CSMD1: variants seen among roughly 807,000 people sequenced by gnomAD.
CSMD1 encodes CUB and Sushi multiple domains 1.
Under a neutral mutation model 417.5 loss-of-function variants are expected in CSMD1, and 213 were observed. That is an observed-to-expected ratio of 0.51 (90% confidence interval 0.46 to 0.57). The LOEUF is 0.57. CSMD1 is among the 20% of genes least tolerant of loss of function. The pLI, the probability that CSMD1 is intolerant of heterozygous loss-of-function variation, is 0.00. For missense variants in CSMD1, 6,923 were observed against 4,529.7 expected, an observed-to-expected ratio of 1.53 and a Z score of -15.17; for synonymous variants, 2,862 against 1,736.8, an observed-to-expected ratio of 1.65 and a Z score of -16.11.
intron 2 of CSMD1, among the ~76,000 whole-genome samples, chr8:4,624,785 C>A (rs771309658): frequency 6.6e-6 from 1 of 152,124 alleles, no homozygotes; most frequent in Non-Finnish European, 1.5e-5. Context: ...AAGTTTGTGA[C>A]CCTAGTCAAG....
At chr8:4,530,760 G>A (rs1470782213) in intron 2 of CSMD1, among the ~76,000 whole-genome samples, 1 of 151,036 alleles carries the variant, frequency 6.6e-6, no homozygotes, top group Non-Finnish European at 1.5e-5. Context: ...GGGCATTTGG[G>A]TTGCTTCCAA....
At chr8:3,250,210 C>A (rs1272125283) in intron 26 of CSMD1, among the ~76,000 whole-genome samples, 5 of 152,098 alleles carry the variant, frequency 3.3e-5, no homozygotes, top group Non-Finnish European at 4.4e-5. Context: ...CCTCCCTGAT[C>A]CCCCCACCCC....
At chr8:4,308,107 G>A (rs10106165) in intron 3 of CSMD1, among the ~76,000 whole-genome samples, 140,697 of 152,252 alleles carry the variant, frequency 0.92, 65,473 homozygotes, top group Middle Eastern at 1. Context: ...GAAGTGGAGA[G>A]GGTGGCAAAG....
chr8:4,121,268 C>T (rs917194578), intron 3 of CSMD1, among the ~76,000 whole-genome samples: 1 of 152,064 alleles, frequency 6.6e-6, no homozygotes, highest in Non-Finnish European at 1.5e-5. Flanking sequence ...GCACCTGACA[C>T]CACACCCAGC....
intron 12 of CSMD1, among the ~76,000 whole-genome samples, chr8:3,413,966 C>T (rs2116940656): frequency 6.6e-6 from 1 of 151,726 alleles, no homozygotes; most frequent in African/African-American, 2.4e-5. Flanking sequence ...TCATGAAACC[C>T]TATCTCTACT....
At chr8:3,039,287 T>C (rs68122732) in intron 50 of CSMD1, among the ~76,000 whole-genome samples, 29,820 of 143,670 alleles carry the variant, frequency 0.21, 3,409 homozygotes, top group Non-Finnish European at 0.26. Flanking sequence ...CTTCCTTCTT[T>C]TCCTTACTTC....
intron 54 of CSMD1, among the ~76,000 whole-genome samples, chr8:2,980,172 T>C (rs1214267120): frequency 1.3e-5 from 2 of 152,204 alleles, no homozygotes; most frequent in East Asian, 3.9e-4. Flanking sequence ...CAAAAATAAT[T>C]TCAAACTGTG....
In CSMD1 at chr8:3,074,478, T is replaced by C. The variant is rs149829759; in HGVS notation, c.7474+12619A>G. Among the ~76,000 whole-genome samples the C allele has an allele frequency of 7.4e-3, 1,121 of 152,220 alleles. 15 individuals carry two copies. Among genetic ancestry groups the C allele is most frequent in the African/African-American group, 0.025 (1,050 of 41,548 alleles). ...CTACCTTCACCAGGCTCCTCAAACA[T>C]AGAAGCTTCCAGAAGCAAGCCGTCA... is the stretch of plus-strand genomic sequence containing the variant. On this transcript the variant is annotated intron_variant, in intron 49 of 69. Transcript: ENST00000635120.
At chr8:3,328,055 G>C (rs554471331) in intron 23 of CSMD1, among the ~76,000 whole-genome samples, 2 of 152,278 alleles carry the variant, frequency 1.3e-5, no homozygotes, top group African/African-American at 4.8e-5. Context: ...TCTAAAGCAG[G>C]TAAAGCCATC....
At chr8:4,095,231 G>C (rs544157189) in intron 3 of CSMD1, among the ~76,000 whole-genome samples, 1 of 152,166 alleles carries the variant, frequency 6.6e-6, no homozygotes, top group Non-Finnish European at 1.5e-5. Context: ...CCTTAACTCA[G>C]GCTGATCTTT....
chr8:4,149,985 G>C (rs777624005), intron 3 of CSMD1, among the ~76,000 whole-genome samples: 54 of 152,220 alleles, frequency 3.5e-4, no homozygotes, highest in Non-Finnish European at 8.8e-5. Flanking sequence ...CTGTCACAGA[G>C]AAGTCAGAGA....
At chr8:4,248,849 T>C (rs1423042416) in intron 3 of CSMD1, among the ~76,000 whole-genome samples, 1 of 152,100 alleles carries the variant, frequency 6.6e-6, no homozygotes, top group Admixed American at 6.6e-5. Context: ...CAAAAACAAT[T>C]GCTAACTCTC....
intron 37 of CSMD1, among the ~76,000 whole-genome samples, chr8:3,178,216 G>C (rs974933196): frequency 6.6e-6 from 1 of 151,984 alleles, no homozygotes; most frequent in Non-Finnish European, 1.5e-5. Flanking sequence ...ATAAGTGTTT[G>C]GTTTTTGTTT....
At chr8:3,807,009 G>A (rs1800777310) in intron 5 of CSMD1, among the ~76,000 whole-genome samples, 1 of 152,078 alleles carries the variant, frequency 6.6e-6, no homozygotes, top group South Asian at 2.1e-4. Flanking sequence ...ACTGGCTAGA[G>A]GGCTAGAAAT....
At chr8:3,404,970 ATTTC>A (rs1284269262) in intron 15 of CSMD1, among the ~76,000 whole-genome samples, 3 of 152,206 alleles carry the variant, frequency 2.0e-5, no homozygotes, top group Non-Finnish European at 2.9e-5. Context: ...ATAGTTGCTT[ATTTC>A]TTTATGATAT....
chr8:4,308,336 C>T (rs1473164999), intron 3 of CSMD1, among the ~76,000 whole-genome samples: 3 of 151,308 alleles, frequency 2.0e-5, no homozygotes, highest in African/African-American at 7.3e-5. Context: ...TGGTGTGTAT[C>T]GTTTGTGGTG....
intron 1 of CSMD1, among the ~76,000 whole-genome samples, chr8:4,838,555 C>G (rs1800640197): frequency 6.6e-6 from 1 of 152,190 alleles, no homozygotes; most frequent in South Asian, 2.1e-4. Context: ...CTGCTTACAC[C>G]TGGGTGGGGG....
intron 7 of CSMD1, among the ~76,000 whole-genome samples, chr8:3,628,134 T>A (rs1796586377): frequency 6.6e-6 from 1 of 152,204 alleles, no homozygotes; most frequent in Non-Finnish European, 1.5e-5. Flanking sequence ...TATACTGTCT[T>A]CACCTTTGTT....
At chr8:4,223,401 G>C (rs972714698) in intron 3 of CSMD1, among the ~76,000 whole-genome samples, 14 of 152,352 alleles carry the variant, frequency 9.2e-5, no homozygotes, top group Admixed American at 3.9e-4. Context: ...GCCAAGGTAA[G>C]CAGGAAAGGG....
Sources: allele counts gnomAD v4.1 joint callset (sites outside exome capture counted in the v4.1 genomes callset), GRCh38; gene constraint gnomAD v4.1.1; transcripts MANE v1.5; gene names NCBI Gene and HGNC (gene_info 2026-07-23, HGNC 2026-07-21).